SLC23A1: variants seen among roughly 807,000 people sequenced by gnomAD.
The protein encoded by SLC23A1 is Na(+)/L-ascorbic acid transporter 1.
A neutral mutation model predicts 62.5 loss-of-function variants in SLC23A1; 31 were observed. The ratio of observed to expected loss-of-function variants is 0.50; its 90% CI spans 0.37 to 0.67. SLC23A1 has a LOEUF of 0.67. Ranked by LOEUF, SLC23A1 falls within the 30% of genes least tolerant of loss-of-function variation. SLC23A1 has a pLI of 0.00. For missense variants in SLC23A1, 640 were observed against 782.7 expected (o/e 0.82, Z 2.18); for synonymous variants, 271 against 313.2 (o/e 0.87, Z 1.42).
intron 3 of SLC23A1, among the ~76,000 whole-genome samples, chr5:139,381,450 C>T (rs954167820): frequency 4.0e-5 from 6 of 151,898 alleles, no homozygotes; most frequent in Non-Finnish European, 5.9e-5. Context: ...CAAAATTAGC[C>T]GGGCATGGTG....
rs1758082849 is a variant in SLC23A1, at chr5:139,378,791, A to G, written c.1074-107T>C. ...CTCTGGGGCTGTGGGGGCTGCAGCT[A>G]TCAGCTGTAGCACTCCCTACTACAG... On this transcript the variant is annotated intron_variant, in intron 9 of 14. Transcript: ENST00000348729. This position sits in a 1 kb window ranked among gnomAD's most constrained non-coding sequence, Gnocchi z 4.5. 10 of 799,496 alleles carry G rather than the reference A, an allele frequency of 1.3e-5. No individual in the cohort carries two copies. The South Asian group carries it at 1.4e-4, about 11-fold the overall frequency. The allele number at this position is 799,496 out of a possible 1,614,324, so 49.5% of individuals were successfully genotyped here. A position where few individuals can be genotyped will look rare whatever the true frequency, so the allele number is the denominator to read the frequency against.
At position 139,372,233 on chromosome 5, in the gene SLC23A1, G is replaced by C; in HGVS notation, c.1570C>G (p.Leu524Val). ...TGAGCCCCAGCTTTCCACTGTATCAGACCACGCTCCTCTGGGCTCCCTGGA... is the reference window on the plus strand; with the variant it reads ...TGAGCCCCAGCTTTCCACTGTATCACACCACGCTCCTCTGGGCTCCCTGGA... ...TVPGSPEERG[L>V]IQWKAGAHAN... The change falls in exon 14 of 15, where the codon CTG becomes GTG. Residue 524 changes from leucine (L) to valine (V), a missense_variant. Transcript: ENST00000348729. The C allele has an allele frequency of 1.2e-6, 2 of 1,613,738 alleles. No homozygotes were observed. The highest frequency in any genetic ancestry group is 1.7e-4 in the Middle Eastern group (1 of 5,958).
chr5:139,379,687 G>A lies in SLC23A1; in HGVS notation c.916C>T (p.Pro306Ser), dbSNP rs754164140. The A allele has an allele frequency of 5.6e-6, 9 of 1,612,744 alleles. No individual in the cohort carries two copies. The South Asian group carries it at 8.8e-5, about 16-fold the overall frequency. ...AAGGGGTGTTGCTCACAGGGGTAGG[G>A]GATGCGGATCCAGGGTGCAATAGCC... Reference protein sequence around the residue: ...IMAIAPWIRIPYPCQWGLPTV... With the variant: ...IMAIAPWIRISYPCQWGLPTV... Residue 306 changes from proline to serine, a missense_variant, in exon 8 of 15, where the codon CCC becomes TCC. Transcript: ENST00000348729. This position sits in a 1 kb window ranked among gnomAD's most constrained non-coding sequence, Gnocchi z 4.7.
upstream of SLC23A1, among the ~76,000 whole-genome samples, chr5:139,384,119 T>G (rs1193822288): frequency 6.6e-6 from 1 of 152,232 alleles, no homozygotes; most frequent in Non-Finnish European, 1.5e-5. Context: ...GGGGCCTTTC[T>G]ATGCACCAAG....
rs760932051 is a variant in SLC23A1, at chr5:139,381,861, G to A, written c.308+31C>T. 1.3e-5 allele frequency: 20 copies of A among 1,529,158 alleles called. No homozygotes were observed. In the East Asian group the frequency reaches 3.4e-4, roughly 26 times the overall value. The allele number at this position is 1,529,158 out of a possible 1,614,324, so 94.7% of individuals were successfully genotyped here. ...GTGTGGATCACAGTGGAGGGGTGGC[G>A]GGGGACGGGTTGGGGGGCTGGGCGG... On this transcript the variant is annotated intron_variant, in intron 3 of 14. Coordinates refer to ENST00000348729, the MANE Select transcript of SLC23A1 (RefSeq NM_005847.5).
chr5:139,374,015 C>T (rs1309127411), intron 13 of SLC23A1, among the ~76,000 whole-genome samples: 2 of 152,228 alleles, frequency 1.3e-5, no homozygotes, highest in African/African-American at 4.8e-5. Flanking sequence ...TCCTAGGCCT[C>T]ACCTACTCTC....
rs35559224 is a variant in SLC23A1, at chr5:139,379,663, AG to A, written c.925+14del. 43 of 1,602,068 alleles carry A rather than the reference AG, an allele frequency of 2.7e-5. No individual in the cohort carries two copies. The highest frequency in any genetic ancestry group is 3.3e-5 in the Non-Finnish European group (39 of 1,173,310). Reference sequence around the variant, plus strand: ...TCTCAGTTGGGGGCAGAGGGGCCCAAGGGGTGTTGCTCACAGGGGTAGGGGA... The same window carrying A: ...TCTCAGTTGGGGGCAGAGGGGCCCAAGGGTGTTGCTCACAGGGGTAGGGGA... On this transcript the variant is annotated intron_variant, in intron 8 of 14. Transcript: ENST00000348729. The surrounding 1 kb of genome is among the most constrained non-coding windows in gnomAD (Gnocchi z 4.7).
chr5:139,380,491 C>G (rs1360012503), intron 5 of SLC23A1, 74 bp downstream of exon 5: 1 of 1,596,448 alleles, frequency 6.3e-7, no homozygotes, highest in South Asian at 1.1e-5. Flanking sequence ...AATCCCCAAA[C>G]TCAGCGGCCA....
intron 14 of SLC23A1, chr5:139,368,622 G>C (rs939316793): frequency 1.4e-6 from 1 of 730,506 alleles, no homozygotes; most frequent in Admixed American, 2.4e-5. Flanking sequence ...CTTACAGACT[G>C]AGTTCTTTTG....
At chr5:139,382,656 A>G in intron 1 of SLC23A1, 51 bp from the exon 2 acceptor site, 2 of 1,121,602 alleles carry the variant, frequency 1.8e-6, no homozygotes, top group Non-Finnish European at 2.7e-6. Flanking sequence ...GGGACAGGCA[A>G]AATCCATTCT....
chr5:139,380,641 A>T lies in SLC23A1; in HGVS notation c.398-9T>A. The T allele has an allele frequency of 6.2e-6, 10 of 1,605,874 alleles. No homozygotes were observed. Among genetic ancestry groups the T allele is most frequent in the Non-Finnish European group, 8.5e-6 (10 of 1,172,506 alleles). On this transcript the variant is annotated splice_polypyrimidine_tract_variant and intron_variant, in intron 4 of 14. Transcript: ENST00000348729. ...GTTACCGTAGATCTCCTCTGGGGGT[A>T]GAGTCAGGGATACACACACGGACCA...
intron 13 of SLC23A1, among the ~76,000 whole-genome samples, chr5:139,373,371 T>C (rs1757783405): frequency 6.6e-6 from 1 of 152,062 alleles, no homozygotes; most frequent in African/African-American, 2.4e-5. Context: ...AGAGATGAGG[T>C]TTCACCATGT....
upstream of SLC23A1, among the ~76,000 whole-genome samples, chr5:139,385,641 A>G (rs1758486863): frequency 6.6e-6 from 1 of 152,220 alleles, no homozygotes; most frequent in Non-Finnish European, 1.5e-5. Context: ...TATGACTGAG[A>G]CAGTGAAAGA....
intron 14 of SLC23A1, among the ~76,000 whole-genome samples, chr5:139,370,088 G>C (rs1757561417): frequency 6.6e-6 from 1 of 152,204 alleles, no homozygotes; most frequent in Non-Finnish European, 1.5e-5. Flanking sequence ...GAGCCATATA[G>C]TCAGTTCTGA....
chr5:139,371,456 C>CAA (rs924989351), intron 14 of SLC23A1, among the ~76,000 whole-genome samples: 2 of 152,294 alleles, frequency 1.3e-5, no homozygotes, highest in African/African-American at 4.8e-5. Flanking sequence ...GACCTAAGGA[C>CAA]AAAGTGTCAC....
chr5:139,374,536 A>G (rs768008542), intron 13 of SLC23A1, among the ~76,000 whole-genome samples: 22 of 152,234 alleles, frequency 1.4e-4, no homozygotes, highest in Non-Finnish European at 3.1e-4. Flanking sequence ...TTCCATGGTT[A>G]AGGACAGGGT....
chr5:139,384,612 G>A (rs1286944704), upstream of SLC23A1: 2 of 1,253,040 alleles, frequency 1.6e-6, no homozygotes, highest in East Asian at 5.6e-5. Flanking sequence ...GAACTCCCCA[G>A]GGTGCTGTGG....
chr5:139,381,815 G>A, intron 3 of SLC23A1, 77 bp downstream of exon 3: 1 of 1,240,630 alleles, frequency 8.1e-7, no homozygotes. Flanking sequence ...AGTGTCCTCT[G>A]GGAGCCCACC....
rs868427359 is a variant in SLC23A1 at position 139,378,026 on chromosome 5, C to T, written c.1402G>A (p.Gly468Arg). The change falls in exon 12 of 15, where the codon GGG becomes AGG. Residue 468 changes from glycine (G) to arginine (R), a missense_variant. Coordinates refer to ENST00000348729, the MANE Select transcript of SLC23A1 (RefSeq NM_005847.5). This position sits in a 1 kb window ranked among gnomAD's most constrained non-coding sequence, Gnocchi z 4.5. ...TCCAGGTAATTGGGCAGCGTGAGCC[C>T]GAAGAACATGGAAAATCCCAGCACG... is the stretch of plus-strand genomic sequence containing the variant. ...LFVLGFSMFF[G>R]LTLPNYLESN... 1.9e-6 allele frequency: 3 copies of T among 1,613,934 alleles called. No individual in the cohort carries two copies. The highest frequency in any genetic ancestry group is 1.7e-5 in the Admixed American group (1 of 59,976).
Sources: gnomAD v4.1 joint callset for allele counts (sites outside exome capture counted in the v4.1 genomes callset) on GRCh38, gnomAD v4.1.1 for gene constraint, Gnocchi (gnomAD v3.1) non-coding constraint, MANE v1.5 for transcripts, NCBI Gene and HGNC (gene_info 2026-07-23, HGNC 2026-07-21) for gene names.